R3HDM2: variants seen among roughly 807,000 people sequenced by gnomAD.
The protein encoded by R3HDM2 is R3H domain containing 2, also known as R3H domain-containing protein 2.
Under a neutral mutation model 124.5 loss-of-function variants are expected in R3HDM2, and 38 were observed. The observed-to-expected ratio is 0.31, with a 90% CI of 0.24 to 0.40. The LOEUF is 0.40. Ranked by LOEUF, R3HDM2 falls within the 10% of genes least tolerant of loss-of-function variation. R3HDM2 has a pLI of 1.00. For synonymous variants in R3HDM2, 391 were observed against 448.0 expected, an observed-to-expected ratio of 0.87 and a Z score of 1.61; for missense variants, 869 against 1,236.9, an observed-to-expected ratio of 0.70 and a Z score of 4.46.
At chr12:57,352,945 G>C (rs772933365) in intron 2 of R3HDM2, among the ~76,000 whole-genome samples, 16 of 151,422 alleles carry the variant, frequency 1.1e-4, no homozygotes, top group Non-Finnish European at 2.2e-4. Flanking sequence ...TATCCACATA[G>C]AAAAAAAATC....
At chr12:57,410,152 T>C (rs2068876873) in intron 1 of R3HDM2, among the ~76,000 whole-genome samples, 1 of 152,002 alleles carries the variant, frequency 6.6e-6, no homozygotes, top group South Asian at 2.1e-4. Flanking sequence ...GGTAAACATA[T>C]CATATTCACT....
intron 3 of R3HDM2, chr12:57,304,348 G>T: frequency 4.7e-6 from 1 of 211,766 alleles, no homozygotes; most frequent in Non-Finnish European, 8.1e-6. Flanking sequence ...AAGAGGTTGG[G>T]TAGGGTTATA....
chr12:57,335,962 A>G (rs2058800789), intron 2 of R3HDM2, among the ~76,000 whole-genome samples: 1 of 152,090 alleles, frequency 6.6e-6, no homozygotes. Context: ...AAAAGAAGAC[A>G]TACATGCAGA....
chr12:57,387,078 C>T (rs1171405397), intron 2 of R3HDM2, among the ~76,000 whole-genome samples: 3 of 151,960 alleles, frequency 2.0e-5, no homozygotes, highest in Admixed American at 6.6e-5. Flanking sequence ...AGCTCAGGGA[C>T]TGTAAATGCA....
In R3HDM2 at chr12:57,297,314, T is replaced by C. The variant is rs1270573119; in HGVS notation, c.560+14A>G. The C allele has an allele frequency of 1.4e-6, 2 of 1,402,772 alleles. No individual in the cohort carries two copies. Among genetic ancestry groups the C allele is most frequent in the Non-Finnish European group, 2.0e-6 (2 of 1,016,442 alleles). The allele number at this position is 1,402,772 out of a possible 1,614,324, so 86.9% of individuals were successfully genotyped here. On this transcript the variant is annotated intron_variant, in intron 8 of 23. Coordinates refer to ENST00000402412, the MANE Select transcript of R3HDM2 (RefSeq NM_001394031.1). ...CTCCCACCTCTAATTATATATTTCA[T>C]GCAAGTAACTTACTTGTTGTCATTA... is the stretch of plus-strand genomic sequence containing the variant.
intron 2 of R3HDM2, among the ~76,000 whole-genome samples, chr12:57,320,800 T>C (rs1368182973): frequency 6.6e-6 from 1 of 152,142 alleles, no homozygotes; most frequent in African/African-American, 2.4e-5. Context: ...TTTCTAGGCA[T>C]TGAGCCAAAA....
intron 1 of R3HDM2, among the ~76,000 whole-genome samples, chr12:57,413,764 A>AC (rs546371575): frequency 5.3e-4 from 81 of 152,032 alleles, no homozygotes; most frequent in Non-Finnish European, 1.0e-3. Flanking sequence ...AACAACAACA[A>AC]AAAAAACAAA....
Position 57,266,812 on chromosome 12 carries a change from G to T in R3HDM2, c.2050C>A (p.Gln684Lys), listed in dbSNP as rs771067254. 6.2e-7 allele frequency: 1 copy of T among 1,606,272 alleles called. No homozygotes were observed. The highest frequency in any genetic ancestry group is 8.5e-7 in the Non-Finnish European group (1 of 1,173,628). ...NGTSPSVGFL[Q>K]PPGSEQYQMP... is the part of the protein sequence containing the mutation. ...TGGTACTGCTCAGAGCCAGGGGGTT[G>T]CAGAAACCCTACAGAAGGGCTGGGA... is the stretch of plus-strand genomic sequence containing the variant. Residue 684 changes from glutamine to lysine, a missense_variant, in exon 19 of 24, where the codon CAA becomes AAA. Physicochemically the swap from Gln to Lys is moderately conservative, Grantham distance 53. This residue lies in a region of R3HDM2 where 602 missense variants were observed against 789.2 expected (regional missense o/e 0.76). Coordinates refer to ENST00000402412, the MANE Select transcript of R3HDM2 (RefSeq NM_001394031.1).
At chr12:57,380,188 A>T (rs557608330) in intron 2 of R3HDM2, among the ~76,000 whole-genome samples, 1 of 152,302 alleles carries the variant, frequency 6.6e-6, no homozygotes, top group South Asian at 2.1e-4. Flanking sequence ...TTAACTCCTA[A>T]AAACTCAAAG....
chr12:57,430,422 G>A (rs545652211), intron 1 of R3HDM2: 2 of 692,688 alleles, frequency 2.9e-6, no homozygotes, highest in Non-Finnish European at 3.6e-6. Flanking sequence ...TAGCCACCCC[G>A]AAGCACTGGA....
chr12:57,336,960 A>C (rs1270115789), intron 2 of R3HDM2, among the ~76,000 whole-genome samples: 2 of 152,184 alleles, frequency 1.3e-5, no homozygotes, highest in African/African-American at 4.8e-5. Context: ...TTTTCAAATA[A>C]ATTTTTGAAA....
intron 2 of R3HDM2, among the ~76,000 whole-genome samples, chr12:57,363,956 T>A (rs2062275308): frequency 6.6e-6 from 1 of 152,136 alleles, no homozygotes; most frequent in African/African-American, 2.4e-5. Context: ...CTGGACAGTT[T>A]CCTCTTCAAT....
At chr12:57,336,849 A>G (rs1414816974) in intron 2 of R3HDM2, among the ~76,000 whole-genome samples, 3 of 151,788 alleles carry the variant, frequency 2.0e-5, no homozygotes, top group African/African-American at 7.2e-5. Flanking sequence ...AGGCTATGGA[A>G]TAGAACAAAG....
chr12:57,262,351 GTC>G (rs1236130062), intron 19 of R3HDM2, among the ~76,000 whole-genome samples: 1 of 152,286 alleles, frequency 6.6e-6, no homozygotes, highest in East Asian at 1.9e-4. Context: ...TGAGTTGGGA[GTC>G]TCTGTATAGG....
intron 19 of R3HDM2, among the ~76,000 whole-genome samples, chr12:57,264,071 G>T (rs114233990): frequency 6.6e-6 from 1 of 151,412 alleles, no homozygotes; most frequent in African/African-American, 2.4e-5. Flanking sequence ...GGTGAACGCC[G>T]TCTCTACTAA....
chr12:57,353,689 A>G (rs1218234427), intron 2 of R3HDM2, among the ~76,000 whole-genome samples: 1 of 152,208 alleles, frequency 6.6e-6, no homozygotes, highest in East Asian at 1.9e-4. Context: ...GCTAGGAACT[A>G]TAGGTGTGTG....
intron 11 of R3HDM2, among the ~76,000 whole-genome samples, chr12:57,291,532 T>C (rs2048589618): frequency 6.6e-6 from 1 of 151,512 alleles, no homozygotes; most frequent in Non-Finnish European, 1.5e-5. Flanking sequence ...TGCGTGCCTG[T>C]AATCCCAGCT....
rs375697175 is a variant in R3HDM2, at chr12:57,255,152, T to C, written c.2633-39A>G. The C allele has an allele frequency of 9.2e-6, 14 of 1,513,700 alleles. No individual in the cohort carries two copies. The African/African-American group carries it at 1.5e-4, about 16-fold the overall frequency. 93.8% of individuals were successfully genotyped at this position (1,513,700 alleles called of 1,614,324 possible). Reference sequence around the variant, plus strand: ...AGAGAGGACATGGTTGTGAGAGGAATAGGACAGGAAGGACTTGACAGCAGC... The same window carrying C: ...AGAGAGGACATGGTTGTGAGAGGAACAGGACAGGAAGGACTTGACAGCAGC... On this transcript the variant is annotated intron_variant, in intron 23 of 23. Transcript: ENST00000402412.
At chr12:57,369,671 C>T (rs1436946263) in intron 2 of R3HDM2, among the ~76,000 whole-genome samples, 1 of 152,200 alleles carries the variant, frequency 6.6e-6, no homozygotes, top group Non-Finnish European at 1.5e-5. Flanking sequence ...CTCTTTCCTA[C>T]ACTATTACCC....
Sources: gnomAD v4.1 joint callset for allele counts (sites outside exome capture counted in the v4.1 genomes callset) on GRCh38, gnomAD v4.1.1 for gene constraint, gnomAD v4.1.1 regional missense constraint, MANE v1.5 for transcripts, NCBI Gene and HGNC (gene_info 2026-07-23, HGNC 2026-07-21) for gene names.